Variants in MFN1 observed in about 807,000 individuals in gnomAD.
MFN1 encodes the protein mitofusin-1.
MFN1 carries 65 observed loss-of-function variants against 92.4 expected under a neutral mutation model. That is an observed-to-expected ratio of 0.70 (90% CI 0.58 to 0.86). The LOEUF is 0.86. MFN1 is among the 40% of genes least tolerant of loss of function. MFN1 has a pLI of 0.00. For synonymous variants in MFN1, 297 were observed against 300.9 expected, an observed-to-expected ratio of 0.99 and a Z score of 0.13; for missense variants, 781 against 868.0, an observed-to-expected ratio of 0.90 and a Z score of 1.26.
At chr3:179,349,035 G>C in intron 2 of MFN1, 72 bp downstream of exon 2, 8 of 1,274,056 alleles carry the variant, frequency 6.3e-6, no homozygotes, top group Non-Finnish European at 8.8e-6. Context: ...TTCAACGTTA[G>C]TTATTGAACA....
Position 179,365,219 on chromosome 3 carries a change from G to T in MFN1, c.747G>T (p.Met249Ile). 1 of 1,525,556 alleles carries T rather than the reference G, an allele frequency of 6.6e-7. No homozygotes were observed. Among genetic ancestry groups the T allele is most frequent in the Admixed American group, 2.5e-5 (1 of 40,344 alleles). 94.5% of individuals were successfully genotyped at this position (1,525,556 alleles called of 1,614,324 possible). Reference sequence around the variant, plus strand: ...CCTCTGCATCAGAGCCAGAATATATGGAAGACGTAAGTTGTTATTTTTTTT... The same window carrying T: ...CCTCTGCATCAGAGCCAGAATATATTGAAGACGTAAGTTGTTATTTTTTTT... ...WDASASEPEY[M>I]EDVRRQHMER... Residue 249 changes from methionine to isoleucine, a missense_variant, in exon 7 of 18, where the codon ATG becomes ATT. Transcript: ENST00000471841.
chr3:179,359,127 CTTTT>C, intron 4 of MFN1, 125 bp downstream of exon 4: 1 of 975,954 alleles, frequency 1.0e-6, no homozygotes, highest in Non-Finnish European at 1.3e-6. Context: ...TAATATTTTT[CTTTT>C]TTTTTTTAGA....
At chr3:179,387,729 AT>A (rs74948664) in intron 16 of MFN1, among the ~76,000 whole-genome samples, 6,655 of 119,616 alleles carry the variant, frequency 0.056, 458 homozygotes, top group African/African-American at 0.19. Context: ...CACCCAGCTA[AT>A]TTTTTTTTTT....
At chr3:179,369,600 A>T (rs538601648) in intron 9 of MFN1, among the ~76,000 whole-genome samples, 1 of 152,236 alleles carries the variant, frequency 6.6e-6, no homozygotes, top group East Asian at 1.9e-4. Context: ...GAAGAATAAG[A>T]TATGCTGTAG....
intron 9 of MFN1, among the ~76,000 whole-genome samples, chr3:179,373,986 T>C (rs1299303671): frequency 1.3e-5 from 2 of 151,648 alleles, no homozygotes; most frequent in Non-Finnish European, 2.9e-5. Context: ...TTTTATAAAT[T>C]TTAAATGATA....
At chr3:179,389,386 A>T (rs542422165) in intron 16 of MFN1, among the ~76,000 whole-genome samples, 1 of 152,256 alleles carries the variant, frequency 6.6e-6, no homozygotes, top group Admixed American at 6.5e-5. Context: ...ACTCGACTTG[A>T]TCCTCTTTCT....
chr3:179,383,030 CT>C (rs1486511301), intron 14 of MFN1, among the ~76,000 whole-genome samples: 5 of 152,152 alleles, frequency 3.3e-5, no homozygotes, highest in Non-Finnish European at 7.3e-5. Flanking sequence ...CCTGTTCACT[CT>C]GATGGTAGTT....
At chr3:179,367,147 C>A (rs1712825791) in intron 7 of MFN1, among the ~76,000 whole-genome samples, 1 of 152,190 alleles carries the variant, frequency 6.6e-6, no homozygotes, top group African/African-American at 2.4e-5. Context: ...AGGCTGTTCT[C>A]AAACTCCTGA....
intron 3 of MFN1, among the ~76,000 whole-genome samples, chr3:179,356,268 G>A (rs1349427988): frequency 1.3e-5 from 2 of 152,168 alleles, no homozygotes; most frequent in African/African-American, 2.4e-5. Flanking sequence ...GAAGGGTGGG[G>A]GAGGACAGGC....
intron 3 of MFN1, among the ~76,000 whole-genome samples, chr3:179,356,391 C>T (rs985498187): frequency 6.6e-6 from 1 of 152,182 alleles, no homozygotes; most frequent in Non-Finnish European, 1.5e-5. Context: ...TCAGGCATCT[C>T]ATCTGTGTCA....
chr3:179,390,175 A>G, intron 17 of MFN1, 37 bp downstream of exon 17: 1 of 1,459,500 alleles, frequency 6.9e-7, no homozygotes, highest in East Asian at 2.5e-5. Flanking sequence ...TTGAACATTT[A>G]CTGGTCTCAT....
At chr3:179,385,998 T>A (rs904443679) in intron 15 of MFN1, among the ~76,000 whole-genome samples, 1 of 152,186 alleles carries the variant, frequency 6.6e-6, no homozygotes, top group Non-Finnish European at 1.5e-5. Flanking sequence ...TATTTGTACG[T>A]TGAGGTAATA....
chr3:179,377,576 T>G lies in MFN1; in HGVS notation c.1329+128T>G, dbSNP rs969730506. On this transcript the variant is annotated intron_variant, in intron 12 of 17. Transcript: ENST00000471841. ...AACTGTTAGATCTCTTGTGCCCTCT[T>G]GTAATAAATGTAAACTGTCTTGTAT... The G allele has an allele frequency of 2.0e-5, 11 of 545,718 alleles. No individual in the cohort carries two copies. In the Admixed American group the frequency reaches 3.4e-4, roughly 17 times the overall value. The allele number at this position is 545,718 out of a possible 1,614,324, so 33.8% of individuals were successfully genotyped here.
chr3:179,378,371 G>A lies in MFN1; in HGVS notation c.1360G>A (p.Gly454Arg). The change falls in exon 13 of 18, where the codon GGA (glycine) becomes AGA (arginine). Residue 454 changes from glycine (G) to arginine (R), a missense_variant. Physicochemically the swap from Gly to Arg is moderately radical, Grantham distance 125. Transcript: ENST00000471841. ...AAATAAGCACATAGAGGATGGTATG[G>A]GAAGAAATTTGGCTGATCGATGCAC... The part of the protein sequence containing the change: ...ELNKHIEDGM[G>R]RNLADRCTDE... 1 of 1,604,404 alleles carries A rather than the reference G, an allele frequency of 6.2e-7. No individual in the cohort carries two copies. Among genetic ancestry groups the A allele is most frequent in the Non-Finnish European group, 8.5e-7 (1 of 1,177,516 alleles).
chr3:179,361,073 G>A (rs552540518), intron 4 of MFN1, among the ~76,000 whole-genome samples: 6 of 152,230 alleles, frequency 3.9e-5, no homozygotes, highest in East Asian at 3.9e-4. Context: ...TCAGTGAGCC[G>A]TGATCACTCA....
intron 14 of MFN1, 61 bp from the exon 15 acceptor site, chr3:179,385,508 T>A (rs1713644503): frequency 2.7e-6 from 4 of 1,474,484 alleles, no homozygotes; most frequent in Admixed American, 2.3e-5. Flanking sequence ...TAGAGTTTTA[T>A]AAAGATAACT....
chr3:179,394,446 C>A lies in MFN1; in HGVS notation c.*2387C>A, dbSNP rs62408878. 1 of 123,190 alleles carries A rather than the reference C, an allele frequency of 8.1e-6. No homozygotes were observed. The highest frequency in any genetic ancestry group is 9.3e-5 in the Admixed American group (1 of 10,782). The allele number at this position is 123,190 out of a possible 1,614,324, so 7.6% of individuals were successfully genotyped here. On this transcript the variant is annotated 3_prime_UTR_variant, in exon 18 of 18. Coordinates refer to ENST00000471841, the MANE Select transcript of MFN1 (RefSeq NM_033540.3). ...TTTTTTTTTTTTTGAGACGGAGTCT[C>A]GCTCTGTCGCCCAGGCTGGAGTGCA...
chr3:179,368,242 T>C (rs1712883279), intron 9 of MFN1, 139 bp downstream of exon 9: 1 of 463,096 alleles, frequency 2.2e-6, no homozygotes, highest in Non-Finnish European at 3.4e-6. Context: ...GCCAGTAAAA[T>C]GTGGAAAGTG....
intron 3 of MFN1, among the ~76,000 whole-genome samples, chr3:179,355,929 G>A (rs548165132): frequency 6.6e-6 from 1 of 152,158 alleles, no homozygotes; most frequent in African/African-American, 2.4e-5. Flanking sequence ...TCCAGCCTGG[G>A]CCACAGAAGG....
Sources: gnomAD v4.1 joint callset for allele counts (sites outside exome capture counted in the v4.1 genomes callset) on GRCh38, gnomAD v4.1.1 for gene constraint, MANE v1.5 for transcripts, NCBI Gene and HGNC (gene_info 2026-07-23, HGNC 2026-07-21) for gene names.